DRC11: variants seen among roughly 807,000 people sequenced by gnomAD.
The protein encoded by DRC11 is IQ and AAA domain-containing protein 1.
the DRC11 span, among the ~76,000 whole-genome samples, chr2:236,403,786 C>T: frequency 6.6e-6 from 1 of 152,058 alleles, no homozygotes; most frequent in Non-Finnish European, 1.5e-5. Context: ...GGGTGGGACT[C>T]ACTAGATACT....
At chr2:236,312,143 G>C in the DRC11 span, among the ~76,000 whole-genome samples, 2 of 152,118 alleles carry the variant, frequency 1.3e-5, no homozygotes, top group African/African-American at 4.8e-5. Context: ...AGGACATATA[G>C]AGATAAGGAT....
the DRC11 span, among the ~76,000 whole-genome samples, chr2:236,310,898 C>T: frequency 1.3e-5 from 2 of 152,214 alleles, no homozygotes; most frequent in African/African-American, 4.8e-5. The surrounding 1 kb of genome is among the most constrained non-coding windows in gnomAD (Gnocchi z 5.5). Flanking sequence ...AAAGTAACCT[C>T]CCCATTCACC....
At chr2:236,314,990 A>C in the DRC11 span, among the ~76,000 whole-genome samples, 27 of 152,180 alleles carry the variant, frequency 1.8e-4, no homozygotes, top group Non-Finnish European at 1.5e-5. This position sits in a 1 kb window ranked among gnomAD's most constrained non-coding sequence, Gnocchi z 4.5. Flanking sequence ...TATCTAAGAC[A>C]CTTTGGAGAA....
the DRC11 span, among the ~76,000 whole-genome samples, chr2:236,460,875 C>T: frequency 6.6e-6 from 1 of 152,170 alleles, no homozygotes; most frequent in East Asian, 1.9e-4. This position sits in a 1 kb window ranked among gnomAD's most constrained non-coding sequence, Gnocchi z 4.0. Flanking sequence ...TCACTTCAAC[C>T]TCCCGAGTAG....
the DRC11 span, among the ~76,000 whole-genome samples, chr2:236,382,540 T>C: frequency 6.6e-6 from 1 of 152,232 alleles, no homozygotes; most frequent in Non-Finnish European, 1.5e-5. Flanking sequence ...AATATCCTAA[T>C]GGACATTTTT....
At chr2:236,452,420 TC>T in the DRC11 span, among the ~76,000 whole-genome samples, 15 of 152,088 alleles carry the variant, frequency 9.9e-5, no homozygotes, top group African/African-American at 3.1e-4. The surrounding 1 kb of genome is among the most constrained non-coding windows in gnomAD (Gnocchi z 4.7). Context: ...TTCCAGCCGG[TC>T]CCCCCCAAGT....
chr2:236,449,287 A>G, the DRC11 span, among the ~76,000 whole-genome samples: 6 of 152,194 alleles, frequency 3.9e-5, no homozygotes, highest in African/African-American at 1.4e-4. The surrounding 1 kb of genome is among the most constrained non-coding windows in gnomAD (Gnocchi z 5.1). Context: ...AACACATGGC[A>G]TGACATGTCT....
chr2:236,356,253 G>A, the DRC11 span, among the ~76,000 whole-genome samples: 2 of 152,202 alleles, frequency 1.3e-5, no homozygotes, highest in Admixed American at 6.5e-5. Flanking sequence ...CCTTCCCTGC[G>A]CCCTGCCCTG....
At chr2:236,424,044 C>A in the DRC11 span, among the ~76,000 whole-genome samples, 2,356 of 115,916 alleles carry the variant, frequency 0.02, 80 homozygotes, top group African/African-American at 0.075. Flanking sequence ...CACTCTGGGG[C>A]CTGTTGTGGG....
At chr2:236,396,094 T>G in the DRC11 span, among the ~76,000 whole-genome samples, 1 of 152,078 alleles carries the variant, frequency 6.6e-6, no homozygotes, top group Non-Finnish European at 1.5e-5. Flanking sequence ...CACTGAAACT[T>G]TGCTTTTCTC....
the DRC11 span, among the ~76,000 whole-genome samples, chr2:236,328,343 G>A: frequency 3.4e-4 from 51 of 152,090 alleles, no homozygotes; most frequent in African/African-American, 1.2e-3. This position sits in a 1 kb window ranked among gnomAD's most constrained non-coding sequence, Gnocchi z 6.7. Context: ...ATTTCAACTC[G>A]AGATTCTGGG....
the DRC11 span, among the ~76,000 whole-genome samples, chr2:236,475,101 C>T: frequency 6.6e-6 from 1 of 152,156 alleles, no homozygotes; most frequent in Admixed American, 6.5e-5. The surrounding 1 kb of genome is among the most constrained non-coding windows in gnomAD (Gnocchi z 4.8). Context: ...TTTTTCTACC[C>T]ATTAATCAAT....
the DRC11 span, among the ~76,000 whole-genome samples, chr2:236,356,656 A>G: frequency 6.6e-6 from 1 of 151,826 alleles, no homozygotes; most frequent in East Asian, 1.9e-4. Flanking sequence ...ATGCAATTAA[A>G]AGAGAAAATA....
the DRC11 span, among the ~76,000 whole-genome samples, chr2:236,366,574 C>T: frequency 6.6e-6 from 1 of 151,864 alleles, no homozygotes; most frequent in Non-Finnish European, 1.5e-5. Flanking sequence ...CCCTTTTGGA[C>T]AGTAGGTTCC....
At chr2:236,412,036 T>TA in the DRC11 span, among the ~76,000 whole-genome samples, 5 of 151,430 alleles carry the variant, frequency 3.3e-5, no homozygotes, top group African/African-American at 9.7e-5. Flanking sequence ...CCCTAAAACT[T>TA]AAAGTATAAT....
At chr2:236,347,621 T>G in the DRC11 span, among the ~76,000 whole-genome samples, 1 of 151,100 alleles carries the variant, frequency 6.6e-6, no homozygotes, top group Non-Finnish European at 1.5e-5. Flanking sequence ...GTGAGGTAAC[T>G]CAGGAATGGA....
the DRC11 span, among the ~76,000 whole-genome samples, chr2:236,387,546 C>CTG: frequency 1.3e-5 from 2 of 152,276 alleles, no homozygotes; most frequent in East Asian, 3.9e-4. Flanking sequence ...TATTTTCAGC[C>CTG]TGTGTGTGTC....
At chr2:236,316,759 T>A in the DRC11 span, among the ~76,000 whole-genome samples, 1 of 152,184 alleles carries the variant, frequency 6.6e-6, no homozygotes, top group Non-Finnish European at 1.5e-5. This position sits in a 1 kb window ranked among gnomAD's most constrained non-coding sequence, Gnocchi z 6.8. Context: ...TGAAAACGCC[T>A]GACCACACCA....
chr2:236,363,753 T>C, the DRC11 span: 6 of 1,533,838 alleles, frequency 3.9e-6, no homozygotes, highest in Non-Finnish European at 5.4e-6. This position sits in a 1 kb window ranked among gnomAD's most constrained non-coding sequence, Gnocchi z 5.6. Flanking sequence ...GGGAGGAGAG[T>C]TGGAAACCAA....
Sources: gnomAD v4.1 joint callset for allele counts (sites outside exome capture counted in the v4.1 genomes callset) on GRCh38, gnomAD v4.1.1 for gene constraint, Gnocchi (gnomAD v3.1) non-coding constraint, MANE v1.5 for transcripts, NCBI Gene and HGNC (gene_info 2026-07-23, HGNC 2026-07-21) for gene names.